The following CCDC73 variants were observed in gnomAD, a reference collection of about 807,000 sequenced individuals.
The protein encoded by CCDC73 is coiled-coil domain containing 73.
Under a neutral mutation model 116.5 loss-of-function variants are expected in CCDC73, and 95 were observed. The ratio of observed to expected loss-of-function variants is 0.82; its 90% CI spans 0.69 to 0.97. The LOEUF is 0.97. Among genes scored for constraint, CCDC73 ranks in the 50% least tolerant of loss-of-function variants. The pLI, the probability that CCDC73 is intolerant of heterozygous loss-of-function variation, is 0.00. For missense variants in CCDC73, 1,066 were observed against 1,206.8 expected (o/e 0.88, Z 1.73); for synonymous variants, 398 against 401.3 (o/e 0.99, Z 0.10).
intron 2 of CCDC73, among the ~76,000 whole-genome samples, chr11:32,730,929 G>T (rs1172316277): frequency 1.3e-5 from 2 of 152,196 alleles, no homozygotes; most frequent in African/African-American, 4.8e-5. Flanking sequence ...AGTAAGTGCA[G>T]GGCAGTGGGT....
At position 32,734,222 on chromosome 11, in the gene CCDC73, G is replaced by A. The variant is rs540191896; in HGVS notation, c.136-16075C>T. 3.2e-4 allele frequency among the ~76,000 whole-genome samples: 48 copies of A among 152,190 alleles called. 1 individual carries two copies. The South Asian group carries it at 4.4e-3, about 14-fold the overall frequency. ...ATACACCCTCCCAAGACTAAACGAG[G>A]AAGAAATTGATCTCTGAATAGACCA... On this transcript the variant is annotated intron_variant, in intron 2 of 17. Transcript: ENST00000335185.
chr11:32,706,012 G>GAAAAA (rs3078271), intron 3 of CCDC73, among the ~76,000 whole-genome samples: 4 of 135,448 alleles, frequency 3.0e-5, no homozygotes, highest in African/African-American at 5.5e-5. Context: ...TATATCAGCT[G>GAAAAA]AAAAAAAAAA....
upstream of CCDC73, among the ~76,000 whole-genome samples, chr11:32,797,433 G>T (rs987706833): frequency 6.6e-6 from 1 of 152,052 alleles, no homozygotes; most frequent in African/African-American, 2.4e-5. Context: ...CCTCTACCTG[G>T]ATGCTCTTTA....
At chr11:32,788,123 T>C (rs1274389021) in intron 1 of CCDC73, among the ~76,000 whole-genome samples, 1 of 152,210 alleles carries the variant, frequency 6.6e-6, no homozygotes, top group Non-Finnish European at 1.5e-5. Flanking sequence ...CCAGATATAA[T>C]AATTTACAAA....
intron 3 of CCDC73, among the ~76,000 whole-genome samples, chr11:32,715,283 G>A (rs900886469): frequency 1.3e-5 from 2 of 151,878 alleles, no homozygotes; most frequent in African/African-American, 4.8e-5. Flanking sequence ...TTTGATTTGG[G>A]GATGGCCTCT....
intron 9 of CCDC73, among the ~76,000 whole-genome samples, chr11:32,657,795 G>A (rs1373214821): frequency 2.6e-5 from 4 of 152,048 alleles, no homozygotes; most frequent in Non-Finnish European, 5.9e-5. Flanking sequence ...GAAGCCAAGA[G>A]TTCAAAACTA....
At chr11:32,700,318 C>T (rs975399196) in intron 5 of CCDC73, among the ~76,000 whole-genome samples, 3 of 152,108 alleles carry the variant, frequency 2.0e-5, no homozygotes, top group East Asian at 1.9e-4. Flanking sequence ...AAATATTTAG[C>T]GTCAGATAAA....
intron 2 of CCDC73, among the ~76,000 whole-genome samples, chr11:32,724,944 G>C (rs1361811267): frequency 6.6e-6 from 1 of 152,032 alleles, no homozygotes; most frequent in Non-Finnish European, 1.5e-5. Context: ...AAACTATTTT[G>C]TTGATTCGGA....
the CCDC73 span, among the ~76,000 whole-genome samples, chr11:32,826,855 A>G: frequency 0.012 from 1,819 of 152,238 alleles, 18 homozygotes; most frequent in East Asian, 0.029. Context: ...AGAATATTAT[A>G]ACATTATTAT....
chr11:32,730,534 T>A (rs1850065932), intron 2 of CCDC73, among the ~76,000 whole-genome samples: 1 of 152,214 alleles, frequency 6.6e-6, no homozygotes, highest in Non-Finnish European at 1.5e-5. Flanking sequence ...ACTATCCATC[T>A]TCATCTTAGT....
intron 17 of CCDC73, 106 bp from the exon 18 acceptor site, chr11:32,603,126 T>C (rs1165219145): frequency 3.5e-6 from 3 of 867,074 alleles, no homozygotes; most frequent in African/African-American, 3.4e-5. Flanking sequence ...CACCATCTCT[T>C]GGCTGATTTC....
chr11:32,806,825 TG>T, the CCDC73 span, among the ~76,000 whole-genome samples: 27 of 152,254 alleles, frequency 1.8e-4, no homozygotes, highest in Middle Eastern at 0.017. Context: ...AGGTCTGACA[TG>T]GGCCCCAGGC....
chr11:32,726,842 C>T (rs891376664), intron 2 of CCDC73, among the ~76,000 whole-genome samples: 1 of 151,782 alleles, frequency 6.6e-6, no homozygotes, highest in African/African-American at 2.4e-5. Flanking sequence ...TTCTAAGTAG[C>T]CCATATGTTG....
chr11:32,665,039 C>G (rs1198388580), intron 9 of CCDC73, among the ~76,000 whole-genome samples: 2 of 152,138 alleles, frequency 1.3e-5, no homozygotes, highest in Non-Finnish European at 2.9e-5. Context: ...GTTATAATTT[C>G]TGTTCTTCTA....
At chr11:32,782,043 A>C (rs1411462067) in intron 1 of CCDC73, among the ~76,000 whole-genome samples, 1 of 152,118 alleles carries the variant, frequency 6.6e-6, no homozygotes, top group East Asian at 1.9e-4. Context: ...TAGGAGTACA[A>C]ACCCTGTTGT....
At chr11:32,765,256 C>T (rs766518400) in intron 1 of CCDC73, among the ~76,000 whole-genome samples, 1 of 152,148 alleles carries the variant, frequency 6.6e-6, no homozygotes, top group East Asian at 1.9e-4. Context: ...AGCTCTGCAC[C>T]AAGTGGACCT....
intron 2 of CCDC73, among the ~76,000 whole-genome samples, chr11:32,751,092 T>G (rs1324648257): frequency 6.6e-6 from 1 of 152,140 alleles, no homozygotes; most frequent in Non-Finnish European, 1.5e-5. Context: ...ATCCAGGATG[T>G]GTCTAGAAAT....
chr11:32,766,186 A>T (rs921408569), intron 1 of CCDC73, among the ~76,000 whole-genome samples: 1 of 152,246 alleles, frequency 6.6e-6, no homozygotes, highest in African/African-American at 2.4e-5. Flanking sequence ...CCAGCATATA[A>T]ACAAAACCAA....
intron 3 of CCDC73, among the ~76,000 whole-genome samples, chr11:32,713,154 T>G (rs11031948): frequency 0.012 from 1,822 of 152,234 alleles, 36 homozygotes; most frequent in African/African-American, 0.042. Context: ...TGTTTGTTGA[T>G]AGGTCATTTT....
Sources: allele counts gnomAD v4.1 joint callset (sites outside exome capture counted in the v4.1 genomes callset), GRCh38; gene constraint gnomAD v4.1.1; transcripts MANE v1.5; gene names NCBI Gene and HGNC (gene_info 2026-07-23, HGNC 2026-07-21).